LLGL1: variants seen among roughly 807,000 people sequenced by gnomAD.
LLGL1 encodes the protein lethal(2) giant larvae protein homolog 1.
A neutral mutation model predicts 110.6 loss-of-function variants in LLGL1; 58 were observed. The ratio of observed to expected loss-of-function variants is 0.52; its 90% CI spans 0.42 to 0.65. The LOEUF (loss-of-function observed/expected upper bound fraction) is 0.65. LLGL1 is among the 30% of genes least tolerant of loss of function. The pLI, the probability that LLGL1 is intolerant of heterozygous loss-of-function variation, is 0.00. For missense variants in LLGL1, 1,229 were observed against 1,462.1 expected, an observed-to-expected ratio of 0.84 and a Z score of 2.60; for synonymous variants, 674 against 607.2, an observed-to-expected ratio of 1.11 and a Z score of -1.62.
chr17:18,235,516 A>G lies in LLGL1; in HGVS notation c.1331A>G (p.Gln444Arg). ...CGAAACCTGGCCCAGGAGCCGTCAC[A>G]GCGAGGGCTGCTGCTGACGGGGTAG... Reference protein sequence around the residue: ...GGRNLAQEPSQRGLLLTGHED... With the variant: ...GGRNLAQEPSRRGLLLTGHED... Residue 444 changes from glutamine (Q) to arginine (R), a missense_variant, in exon 11 of 23, where the codon CAG becomes CGG. Physicochemically the swap from Gln to Arg is conservative, Grantham distance 43. Coordinates refer to ENST00000316843, the MANE Select transcript of LLGL1 (RefSeq NM_004140.4). 2 of 1,613,950 alleles carry G rather than the reference A, an allele frequency of 1.2e-6. No individual in the cohort carries two copies. Among genetic ancestry groups the G allele is most frequent in the Non-Finnish European group, 1.7e-6 (2 of 1,179,972 alleles).
Position 18,241,645 on chromosome 17 carries a change from G to A in LLGL1, c.2697G>A (p.Val899=), listed in dbSNP as rs2047834296. The A allele has an allele frequency of 1.9e-6, 3 of 1,613,728 alleles. No homozygotes were observed. Among genetic ancestry groups the A allele is most frequent in the Non-Finnish European group, 2.5e-6 (3 of 1,180,038 alleles). ...CGGTGCCTGGCCTGCGGCCCCAGGTGCACTATTCCTGCATCCGGAAGGAGG... is the reference window on the plus strand; with the variant it reads ...CGGTGCCTGGCCTGCGGCCCCAGGTACACTATTCCTGCATCCGGAAGGAGG... The part of the protein sequence containing the change: ...VFSVPGLRPQ[V]HYSCIRKEDI... Residue 899 remains valine, a synonymous_variant, in exon 18 of 23, where the codon GTG becomes GTA. Transcript: ENST00000316843.
rs764784217 is a variant in LLGL1, at chr17:18,237,628, T to C, written c.1759T>C (p.Phe587Leu). 1 of 1,611,676 alleles carries C rather than the reference T, an allele frequency of 6.2e-7. No individual in the cohort carries two copies. Among genetic ancestry groups the C allele is most frequent in the East Asian group, 2.2e-5 (1 of 44,880 alleles). The change falls in exon 14 of 23, where the codon TTC (phenylalanine) becomes CTC (leucine). Residue 587 changes from phenylalanine (F) to leucine (L), a missense_variant. Physicochemically the swap from Phe to Leu is conservative, Grantham distance 22 (BLOSUM62 0). Coordinates refer to ENST00000316843, the MANE Select transcript of LLGL1 (RefSeq NM_004140.4). Reference protein sequence around the residue: ...RTGPLPWPAGFQPRVLVQCLP... With the variant: ...RTGPLPWPAGLQPRVLVQCLP... ...GGGGCCGCTGCCCTGGCCTGCTGGC[T>C]TCCAGCCCCGTGTCCTGGTGCAGTG...
Position 18,237,500 on chromosome 17 carries a change from G to A in LLGL1, c.1631G>A (p.Ser544Asn), listed in dbSNP as rs748514739. Residue 544 changes from serine (S) to asparagine (N), a missense_variant, in exon 14 of 23, where the codon AGT becomes AAT. Transcript: ENST00000316843. ...TAGQVLVLEL[S>N]DVPVEQAVSV... Reference sequence around the variant, plus strand: ...GCTCAGGTGCTGGTACTGGAGCTTAGTGATGTGCCGGTGGAGCAGGCGGTC... The same window carrying A: ...GCTCAGGTGCTGGTACTGGAGCTTAATGATGTGCCGGTGGAGCAGGCGGTC... 14 of 1,593,324 alleles carry A rather than the reference G, an allele frequency of 8.8e-6. No individual in the cohort carries two copies. Among genetic ancestry groups the A allele is most frequent in the South Asian group, 1.1e-5 (1 of 89,508 alleles).
chr17:18,242,411 C>A, intron 20 of LLGL1, 97 bp from the exon 21 acceptor site: 1 of 1,570,916 alleles, frequency 6.4e-7, no homozygotes. Flanking sequence ...TGGTGCCACC[C>A]CTCACCATGG....
At chr17:18,239,757 T>C (rs1249981644) in intron 16 of LLGL1, among the ~76,000 whole-genome samples, 1 of 151,888 alleles carries the variant, frequency 6.6e-6, no homozygotes, top group African/African-American at 2.4e-5. Flanking sequence ...TTCTTTGACT[T>C]TTTGTTTTTT....
intron 11 of LLGL1, chr17:18,236,309 G>C (rs879652177): frequency 2.7e-6 from 1 of 376,996 alleles, no homozygotes; most frequent in Admixed American, 4.3e-5. Context: ...AACCCCCAAA[G>C]TCCTCTGTTC....
chr17:18,239,640 G>A (rs2047778814), intron 16 of LLGL1, among the ~76,000 whole-genome samples: 1 of 152,092 alleles, frequency 6.6e-6, no homozygotes. Context: ...AGTGTCATCT[G>A]CTTGGTCTAC....
intron 11 of LLGL1, chr17:18,236,296 C>A: frequency 2.9e-6 from 1 of 348,182 alleles, no homozygotes; most frequent in Non-Finnish European, 5.3e-6. Flanking sequence ...CCAGTGCAGG[C>A]AGAACCCCCA....
intron 4 of LLGL1, 103 bp downstream of exon 4, chr17:18,232,905 A>G: frequency 6.8e-7 from 1 of 1,469,942 alleles, no homozygotes; most frequent in Non-Finnish European, 9.3e-7. Flanking sequence ...GCAGCGGTTC[A>G]GGGCGGGATG....
chr17:18,234,342 G>T lies in LLGL1; in HGVS notation c.784G>T (p.Ala262Ser), dbSNP rs769781235. Reference sequence around the variant, plus strand: ...CAGCTCACACAGCGATGGCAGCTATGCTGTCTGGTCTGTGGATGCCGGCAG... The same window carrying T: ...CAGCTCACACAGCGATGGCAGCTATTCTGTCTGGTCTGTGGATGCCGGCAG... ...VVSSHSDGSY[A>S]VWSVDAGSFP... is the part of the protein sequence containing the mutation. The change falls in exon 7 of 23, where the codon GCT (alanine) becomes TCT (serine). Residue 262 changes from alanine (A) to serine (S), a missense_variant. Ala to Ser is a moderately conservative substitution (Grantham distance 99, BLOSUM62 1). Transcript: ENST00000316843. 8 of 1,612,798 alleles carry T rather than the reference G, an allele frequency of 5.0e-6. No homozygotes were observed. Among genetic ancestry groups the T allele is most frequent in the Non-Finnish European group, 6.8e-6 (8 of 1,179,766 alleles).
intron 1 of LLGL1, among the ~76,000 whole-genome samples, chr17:18,228,609 C>T (rs950886163): frequency 6.6e-6 from 1 of 152,060 alleles, no homozygotes; most frequent in African/African-American, 2.4e-5. Flanking sequence ...AGATGCTGGA[C>T]AGTGCATGTA....
chr17:18,233,379 C>T (rs2047612672), intron 4 of LLGL1, among the ~76,000 whole-genome samples: 3 of 152,154 alleles, frequency 2.0e-5, no homozygotes, highest in Admixed American at 1.3e-4. Flanking sequence ...TGATGCCTCC[C>T]AGCTTCTGCA....
intron 20 of LLGL1, 27 bp downstream of exon 20, chr17:18,242,305 A>T: frequency 6.3e-7 from 1 of 1,591,416 alleles, no homozygotes; most frequent in South Asian, 1.1e-5. Context: ...AGGGGTCCAG[A>T]CCCTGGCCCC....
chr17:18,240,983 T>G lies in LLGL1; in HGVS notation c.2502+110T>G. 8.4e-7 allele frequency: 1 copy of G among 1,189,250 alleles called. No individual in the cohort carries two copies. Among genetic ancestry groups the G allele is most frequent in the East Asian group, 2.6e-5 (1 of 38,394 alleles). The allele number at this position is 1,189,250 out of a possible 1,614,324, so 73.7% of individuals were successfully genotyped here. ...CCTTCCTGCCTGTATCCCCCACTGT[T>G]GGGACCCTAATTCCCTTGCACCCCA... On this transcript the variant is annotated intron_variant, in intron 17 of 22. Transcript: ENST00000316843. This position sits in a 1 kb window ranked among gnomAD's most constrained non-coding sequence, Gnocchi z 5.3.
rs753952691 is a variant in LLGL1 at position 18,241,982 on chromosome 17, C to G, written c.2865C>G (p.Arg955=). The change falls in exon 19 of 23, where the codon CGC becomes CGG. Residue 955 remains arginine, a synonymous_variant. Transcript: ENST00000316843. ...PLCSLDINWP[R]DATQASYRIR... is the part of the protein sequence containing the mutation. The stretch of plus-strand genomic sequence containing the variant: ...GCTCTCTGGACATTAACTGGCCCCG[C>G]GATGCCACCCAGGCCAGGTGTGTGG... 6 of 1,613,878 alleles carry G rather than the reference C, an allele frequency of 3.7e-6. No individual in the cohort carries two copies. The South Asian group carries it at 6.6e-5, about 18-fold the overall frequency.
rs371150396 is a variant in LLGL1 at position 18,232,834 on chromosome 17, G to A, written c.392+32G>A. The A allele has an allele frequency of 8.1e-6, 13 of 1,612,572 alleles. No homozygotes were observed. In the African/African-American group the frequency reaches 9.3e-5, roughly 12 times the overall value. The stretch of plus-strand genomic sequence containing the variant: ...GAGAACTTGGCTGGGGCCAGCCACC[G>A]GGCAGGGAGGATCTGGGGGAGGCTG... On this transcript the variant is annotated intron_variant, in intron 4 of 22. Transcript: ENST00000316843.
At position 18,234,686 on chromosome 17, in the gene LLGL1, G is replaced by T; in HGVS notation, c.888G>T (p.Trp296Cys). ...GCAAGGCCATTAACAAGATTCTGTG[G>T]CGGAACTGTGAATCTGGGTAGGTCG... Reference protein sequence around the residue: ...FPCKAINKILWRNCESGGHFI... With the variant: ...FPCKAINKILCRNCESGGHFI... Residue 296 changes from tryptophan (W) to cysteine (C), a missense_variant, in exon 8 of 23, where the codon TGG (tryptophan) becomes TGT (cysteine). By Grantham distance (215) the Trp-to-Cys change is radical (BLOSUM62 -2). Transcript: ENST00000316843. 1 of 1,614,152 alleles carries T rather than the reference G, an allele frequency of 6.2e-7. No individual in the cohort carries two copies. The highest frequency in any genetic ancestry group is 8.5e-7 in the Non-Finnish European group (1 of 1,180,022).
At chr17:18,242,037 G>A (rs747778620) in intron 19 of LLGL1, 38 bp downstream of exon 19, 1 of 1,567,816 alleles carries the variant, frequency 6.4e-7, no homozygotes, top group South Asian at 1.1e-5. Flanking sequence ...GGGGACCTGT[G>A]CCCAGGGCCA....
At chr17:18,226,435 G>A (rs1244747122) in intron 1 of LLGL1, among the ~76,000 whole-genome samples, 1 of 152,162 alleles carries the variant, frequency 6.6e-6, no homozygotes, top group African/African-American at 2.4e-5. Context: ...AGGCAGCTGT[G>A]GGGGGTGCGG....
Sources: gnomAD v4.1 joint callset for allele counts (sites outside exome capture counted in the v4.1 genomes callset) on GRCh38, gnomAD v4.1.1 for gene constraint, Gnocchi (gnomAD v3.1) non-coding constraint, MANE v1.5 for transcripts, NCBI Gene and HGNC (gene_info 2026-07-23, HGNC 2026-07-21) for gene names.